TNKS1BP1: variants seen among roughly 807,000 people sequenced by gnomAD.
The protein encoded by TNKS1BP1 is CCR4-NOT transcription complex subunit 12.
TNKS1BP1 carries 48 observed loss-of-function variants against 141.1 expected under a neutral mutation model. The ratio of observed to expected loss-of-function variants is 0.34; its 90% CI spans 0.27 to 0.43. TNKS1BP1 has a LOEUF of 0.43. Ranked by LOEUF, TNKS1BP1 falls within the 20% of genes least tolerant of loss-of-function variation. TNKS1BP1 has a pLI of 1.00. For synonymous variants in TNKS1BP1, 875 were observed against 898.2 expected, an observed-to-expected ratio of 0.97 and a Z score of 0.46; for missense variants, 2,149 against 2,226.0, an observed-to-expected ratio of 0.97 and a Z score of 0.70.
rs775084360 is a variant in TNKS1BP1 at position 57,312,673 on chromosome 11, G to A, written c.2015C>T (p.Ser672Phe). 4.4e-6 allele frequency: 7 copies of A among 1,583,872 alleles called. No homozygotes were observed. The highest frequency in any genetic ancestry group is 2.6e-6 in the Non-Finnish European group (3 of 1,165,490). ...RTEAQDLCRA[S>F]PEPPGPESSS... ...GCTTTCAGGGCCTGGAGGCTCGGGG[G>A]ATGCCCTACACAAGTCTTGAGCCTC... The change falls in exon 5 of 12, where the codon TCC becomes TTC. Residue 672 changes from serine to phenylalanine, a missense_variant. Ser to Phe is a radical substitution (Grantham distance 155). Transcript: ENST00000358252.
chr11:57,303,747 C>T (rs1036356240), intron 6 of TNKS1BP1, among the ~76,000 whole-genome samples: 1 of 152,188 alleles, frequency 6.6e-6, no homozygotes, highest in African/African-American at 2.4e-5. Context: ...CTGCTGCTTC[C>T]TCAAAACACA....
chr11:57,312,860 C>T lies in TNKS1BP1; in HGVS notation c.1828G>A (p.Ala610Thr). The T allele has an allele frequency of 6.2e-7, 1 of 1,609,100 alleles. No homozygotes were observed. Among genetic ancestry groups the T allele is most frequent in the Non-Finnish European group, 8.5e-7 (1 of 1,177,204 alleles). ...ACTGGCTCCAGGATGGGCAAGGCTGCCTCCCTGGTAGCCAGGGGGAGAGGG... is the reference window on the plus strand; with the variant it reads ...ACTGGCTCCAGGATGGGCAAGGCTGTCTCCCTGGTAGCCAGGGGGAGAGGG... The part of the protein sequence containing the change: ...ESPLPLATRE[A>T]ALPILEPVLG... The change falls in exon 5 of 12, where the codon GCA becomes ACA. Residue 610 changes from alanine to threonine, a missense_variant. Coordinates refer to ENST00000358252, the MANE Select transcript of TNKS1BP1 (RefSeq NM_033396.3).
intron 6 of TNKS1BP1, among the ~76,000 whole-genome samples, chr11:57,304,611 T>A (rs1487966374): frequency 6.6e-6 from 1 of 152,184 alleles, no homozygotes; most frequent in Non-Finnish European, 1.5e-5. Flanking sequence ...GGCTCACGCC[T>A]GTAATCCCAG....
At position 57,320,672 on chromosome 11, in the gene TNKS1BP1, C is replaced by A. The variant is rs537362500; in HGVS notation, c.135G>T (p.Arg45=). ...RAKPPVKPKP[R]ALPAKPALPA... is the part of the protein sequence containing the mutation. ...GCAGGGCTGGCTTGGCAGGCAGGGC[C>A]CGGGGTTTGGGCTTGACAGGGGGTT... The change falls in exon 3 of 12, where the codon CGG becomes CGT. Residue 45 remains arginine, a synonymous_variant. Transcript: ENST00000358252. 8 of 1,608,840 alleles carry A rather than the reference C, an allele frequency of 5.0e-6. No individual in the cohort carries two copies. The South Asian group carries it at 8.8e-5, about 18-fold the overall frequency.
chr11:57,306,667 C>G (rs1271282692), intron 6 of TNKS1BP1, among the ~76,000 whole-genome samples: 2 of 152,126 alleles, frequency 1.3e-5, no homozygotes, highest in African/African-American at 2.4e-5. Context: ...TATGGCATCA[C>G]GGCTAACCCC....
In TNKS1BP1 at chr11:57,322,642, T is replaced by C. The variant is rs142704638; in HGVS notation, c.-65-692A>G. On this transcript the variant is annotated intron_variant, in intron 1 of 11. Transcript: ENST00000358252. ...TTGATGAGGTAAAGCCAGGGCCTAG[T>C]CCTGTTGCCATAGCAATGGCCTCCC... Among the ~76,000 whole-genome samples the C allele has an allele frequency of 9.2e-5, 14 of 152,372 alleles. No individual in the cohort carries two copies. In the East Asian group the frequency reaches 2.7e-3, roughly 29 times the overall value.
chr11:57,322,014 A>C, intron 1 of TNKS1BP1, 64 bp from the exon 2 acceptor site: 1 of 1,303,144 alleles, frequency 7.7e-7, no homozygotes, highest in Non-Finnish European at 1.0e-6. Flanking sequence ...TTTAGCAGAG[A>C]GAAGTCTCCT....
At chr11:57,300,455 G>A (rs1855508222) in intron 11 of TNKS1BP1, 73 bp downstream of exon 11, 3 of 1,381,268 alleles carry the variant, frequency 2.2e-6, no homozygotes, top group Non-Finnish European at 3.1e-6. Flanking sequence ...GGGACAGAAG[G>A]GGCATGAGGC....
Position 57,302,536 on chromosome 11 carries a change from C to A in TNKS1BP1, c.4606G>T (p.Gly1536Trp). 6.2e-7 allele frequency: 1 copy of A among 1,613,130 alleles called. No homozygotes were observed. The highest frequency in any genetic ancestry group is 2.2e-5 in the East Asian group (1 of 44,834). The change falls in exon 7 of 12, where the codon GGG (glycine) becomes TGG (tryptophan). Residue 1536 changes from glycine to tryptophan, a missense_variant. By Grantham distance (184) the Gly-to-Trp change is radical (BLOSUM62 -2). Coordinates refer to ENST00000358252, the MANE Select transcript of TNKS1BP1 (RefSeq NM_033396.3). The surrounding 1 kb of genome is among the most constrained non-coding windows in gnomAD (Gnocchi z 5.5). Reference protein sequence around the residue: ...GSSAARWSDQGPAQTSRRPSQ... With the variant: ...GSSAARWSDQWPAQTSRRPSQ... ...GGTCGCCGAGAAGTCTGTGCTGGCC[C>A]CTGATCGCTCCACCTGGCTGCTGAA...
chr11:57,308,048 C>T (rs989819688), intron 6 of TNKS1BP1, among the ~76,000 whole-genome samples: 1 of 152,184 alleles, frequency 6.6e-6, no homozygotes. Flanking sequence ...GGCTGAGAGG[C>T]CTGGGGAACG....
In TNKS1BP1 at chr11:57,313,233, C is replaced by T. The variant is rs764059160; in HGVS notation, c.1455G>A (p.Ser485=). The T allele has an allele frequency of 1.2e-5, 20 of 1,612,746 alleles. No individual in the cohort carries two copies. Among genetic ancestry groups the T allele is most frequent in the South Asian group, 6.6e-5 (6 of 91,088 alleles). The change falls in exon 5 of 12, where the codon TCG becomes TCA. Residue 485 remains serine (S), a synonymous_variant. Transcript: ENST00000358252. ...AGTCCAGCCGCCACACGCCCAGACC[C>T]GAGGGCCTCGTGGGGAAGGTCCATT... ...SFEWTFPTRP[S]GLGVWRLDSP...
chr11:57,302,973 G>T lies in TNKS1BP1; in HGVS notation c.4317-148C>A. ...TTCCAGACTCCAAGGACACGGTCAG[G>T]GCCTTGAGCAACACAGCACACAGGT... is the stretch of plus-strand genomic sequence containing the variant. On this transcript the variant is annotated intron_variant, in intron 6 of 11. Transcript: ENST00000358252. The surrounding 1 kb of genome is among the most constrained non-coding windows in gnomAD (Gnocchi z 5.5). The T allele has an allele frequency of 1.0e-6, 1 of 1,004,294 alleles. No individual in the cohort carries two copies. The highest frequency in any genetic ancestry group is 1.4e-6 in the Non-Finnish European group (1 of 723,052). 62.2% of individuals were successfully genotyped at this position (1,004,294 alleles called of 1,614,324 possible). A position where few individuals can be genotyped will look rare whatever the true frequency, so the allele number is the denominator to read the frequency against.
chr11:57,300,701 G>A (rs1855512362), intron 10 of TNKS1BP1, 101 bp from the exon 11 acceptor site: 1 of 1,532,040 alleles, frequency 6.5e-7, no homozygotes, highest in Non-Finnish European at 9.0e-7. Flanking sequence ...ACCAGAAGAG[G>A]CAGTCTGGGG....
chr11:57,313,580 G>C lies in TNKS1BP1; in HGVS notation c.1108C>G (p.Pro370Ala), dbSNP rs1223886922. 1.3e-6 allele frequency: 2 copies of C among 1,591,996 alleles called. No individual in the cohort carries two copies. The highest frequency in any genetic ancestry group is 1.7e-6 in the Non-Finnish European group (2 of 1,170,838). ...TGGGGCTCCAAGACCTCAGGGGGTG[G>C]GCTGCTGGGTCTGGGGGCCTCTGGA... Reference protein sequence around the residue: ...GAPEAPRPSSPPPEVLEPHSL... With the variant: ...GAPEAPRPSSAPPEVLEPHSL... Residue 370 changes from proline to alanine, a missense_variant, in exon 5 of 12, where the codon CCA (proline) becomes GCA (alanine). Coordinates refer to ENST00000358252, the MANE Select transcript of TNKS1BP1 (RefSeq NM_033396.3).
chr11:57,322,081 G>C (rs397848581), intron 1 of TNKS1BP1, 131 bp from the exon 2 acceptor site: 105 of 750,446 alleles, frequency 1.4e-4, no homozygotes, highest in East Asian at 5.5e-4. Flanking sequence ...TGGGGGGGGG[G>C]GGGTAGGAGG....
chr11:57,302,244 C>T lies in TNKS1BP1; in HGVS notation c.4684-20G>A. 1 of 1,598,160 alleles carries T rather than the reference C, an allele frequency of 6.3e-7. No individual in the cohort carries two copies. Among genetic ancestry groups the T allele is most frequent in the Non-Finnish European group, 8.5e-7 (1 of 1,170,198 alleles). ...GGTGTCCTGCTTGGGGCAATGGTGA[C>T]ACCACTGCCATTGCTGCCTCATCCC... On this transcript the variant is annotated intron_variant, in intron 7 of 11. Coordinates refer to ENST00000358252, the MANE Select transcript of TNKS1BP1 (RefSeq NM_033396.3). This position sits in a 1 kb window ranked among gnomAD's most constrained non-coding sequence, Gnocchi z 5.5.
rs760524520 is a variant in TNKS1BP1, at chr11:57,308,907, G to A, written c.3804C>T (p.Phe1268=). 1 of 1,613,856 alleles carries A rather than the reference G, an allele frequency of 6.2e-7. No individual in the cohort carries two copies. The highest frequency in any genetic ancestry group is 8.5e-7 in the Non-Finnish European group (1 of 1,180,014). The change falls in exon 6 of 12, where the codon TTC becomes TTT. Residue 1268 remains phenylalanine, a synonymous_variant. Coordinates refer to ENST00000358252, the MANE Select transcript of TNKS1BP1 (RefSeq NM_033396.3). ...TDWSGVEAGE[F]LKSRERGVGQ... ...CAACTCCACGCTCCCTTGATTTAAG[G>A]AACTCTCCGGCCTCCACACCTGACC... is the stretch of plus-strand genomic sequence containing the variant.
chr11:57,302,742 G>A lies in TNKS1BP1; in HGVS notation c.4400C>T (p.Ala1467Val), dbSNP rs990039463. 32 of 1,584,330 alleles carry A rather than the reference G, an allele frequency of 2.0e-5. No homozygotes were observed. The highest frequency in any genetic ancestry group is 1.1e-4 in the South Asian group (10 of 88,402). The change falls in exon 7 of 12, where the codon GCG becomes GTG. Residue 1467 changes from alanine (A) to valine (V), a missense_variant. Transcript: ENST00000358252. The surrounding 1 kb of genome is among the most constrained non-coding windows in gnomAD (Gnocchi z 5.5). Reference protein sequence around the residue: ...EEMLAASSSKAVARRESAASG... With the variant: ...EEMLAASSSKVVARRESAASG... ...GGCCGCTGACTCCCTCCGAGCCACC[G>A]CCTTGGAGCTGCTGGCTGCCAGCAT... is the stretch of plus-strand genomic sequence containing the variant.
At position 57,302,997 on chromosome 11, in the gene TNKS1BP1, G is replaced by T; in HGVS notation, c.4317-172C>A. 1 of 733,024 alleles carries T rather than the reference G, an allele frequency of 1.4e-6. No individual in the cohort carries two copies. Among genetic ancestry groups the T allele is most frequent in the East Asian group, 2.9e-5 (1 of 34,308 alleles). The allele number at this position is 733,024 out of a possible 1,614,324, so 45.4% of individuals were successfully genotyped here. A position where few individuals can be genotyped will look rare whatever the true frequency, so the allele number is the denominator to read the frequency against. Reference sequence around the variant, plus strand: ...GGGCCTTGAGCAACACAGCACACAGGTGAAGAGCTGAGCCAGTCTGGCAGG... The same window carrying T: ...GGGCCTTGAGCAACACAGCACACAGTTGAAGAGCTGAGCCAGTCTGGCAGG... On this transcript the variant is annotated intron_variant, in intron 6 of 11. Coordinates refer to ENST00000358252, the MANE Select transcript of TNKS1BP1 (RefSeq NM_033396.3). This position sits in a 1 kb window ranked among gnomAD's most constrained non-coding sequence, Gnocchi z 5.5.
Sources: allele counts gnomAD v4.1 joint callset (sites outside exome capture counted in the v4.1 genomes callset), GRCh38; gene constraint gnomAD v4.1.1; non-coding constraint Gnocchi (gnomAD v3.1); transcripts MANE v1.5; gene names NCBI Gene and HGNC (gene_info 2026-07-23, HGNC 2026-07-21).